NDUFAF6: variants seen among roughly 807,000 people sequenced by gnomAD.
The protein encoded by NDUFAF6 is NADH dehydrogenase (ubiquinone) complex I, assembly factor 6.
Under a neutral mutation model 40.8 loss-of-function variants are expected in NDUFAF6, and 45 were observed. The ratio of observed to expected loss-of-function variants is 1.10; its 90% CI spans 0.87 to 1.42. NDUFAF6 has a LOEUF of 1.42. Among genes scored for constraint, NDUFAF6 ranks in the 40% most tolerant of loss-of-function variants. The pLI is 0.00. For synonymous variants in NDUFAF6, 185 were observed against 155.9 expected (o/e 1.19, Z -1.39); for missense variants, 435 against 418.5 (o/e 1.04, Z -0.34).
chr8:94,921,658 A>G (rs558959180), intron 1 of NDUFAF6, among the ~76,000 whole-genome samples: 2 of 152,228 alleles, frequency 1.3e-5, no homozygotes, highest in Non-Finnish European at 2.9e-5. Context: ...TTCAAGATCC[A>G]TAACACAGTG....
chr8:95,002,996 C>T (rs1826804061), intron 2 of NDUFAF6, among the ~76,000 whole-genome samples: 1 of 152,218 alleles, frequency 6.6e-6, no homozygotes, highest in African/African-American at 2.4e-5. Flanking sequence ...TACATCATCT[C>T]AGCTGTTAGA....
intron 1 of NDUFAF6, chr8:94,930,299 G>A (rs1459266460): frequency 1.3e-6 from 1 of 760,366 alleles, no homozygotes; most frequent in African/African-American, 1.8e-5. Context: ...TTAAAGGCAA[G>A]GCATTATGTG....
intron 2 of NDUFAF6, among the ~76,000 whole-genome samples, chr8:95,008,671 T>C (rs543239595): frequency 5.9e-5 from 9 of 152,012 alleles, no homozygotes; most frequent in Non-Finnish European, 1.3e-4. Context: ...TACGCCCGGG[T>C]AATTTCTTTG....
downstream of NDUFAF6, among the ~76,000 whole-genome samples, chr8:95,077,100 T>TA (rs1363085258): frequency 1.3e-5 from 2 of 152,168 alleles, no homozygotes; most frequent in Non-Finnish European, 2.9e-5. Flanking sequence ...TGGCCATCTA[T>TA]AAGCCAAGGA....
At chr8:94,985,516 T>TATATATATATATATATA (rs1586904614) in intron 2 of NDUFAF6, among the ~76,000 whole-genome samples, 1 of 4,710 alleles carries the variant, frequency 2.1e-4, no homozygotes, top group African/African-American at 1.2e-3. Context: ...TATATATATA[T>TATATATATATATATATA]TTTTTTTTTT....
At chr8:95,050,166 C>T (rs1441017495) in intron 7 of NDUFAF6, among the ~76,000 whole-genome samples, 1 of 152,194 alleles carries the variant, frequency 6.6e-6, no homozygotes, top group Non-Finnish European at 1.5e-5. Context: ...CCTGAGCAGT[C>T]CCAGTCAATG....
Position 95,005,779 on chromosome 8 carries a change from G to C in NDUFAF6, c.-84+24806G>C, listed in dbSNP as rs141150603. Among the ~76,000 whole-genome samples the C allele has an allele frequency of 3.5e-3, 523 of 151,118 alleles. 5 individuals carry two copies. The highest frequency in any genetic ancestry group is 0.012 in the African/African-American group (500 of 41,092). The stretch of plus-strand genomic sequence containing the variant: ...TAAATGCCTTTAATTAGACCAATTC[G>C]TATTGGTCTCAAAGATAGAATGTCT... On this transcript the variant is annotated intron_variant, in intron 2 of 9. Coordinates refer to the NDUFAF6 transcript ENST00000396111.
intron 2 of NDUFAF6, among the ~76,000 whole-genome samples, chr8:94,992,740 A>G (rs1826250673): frequency 6.6e-6 from 1 of 152,188 alleles, no homozygotes; most frequent in Admixed American, 6.5e-5. Flanking sequence ...TTTGGTGTTC[A>G]TGACGCAAAC....
chr8:95,010,740 C>G (rs1827193009), intron 2 of NDUFAF6, among the ~76,000 whole-genome samples: 1 of 152,074 alleles, frequency 6.6e-6, no homozygotes, highest in African/African-American at 2.4e-5. Context: ...AAAAAAAAAT[C>G]CTACTAGTGT....
intron 2 of NDUFAF6, among the ~76,000 whole-genome samples, chr8:95,094,118 G>GCC (rs1809359211): frequency 6.6e-6 from 1 of 151,908 alleles, no homozygotes; most frequent in African/African-American, 2.4e-5. Context: ...TTACAGGCAT[G>GCC]CACCACCACG....
intron 1 of NDUFAF6, chr8:94,940,054 C>T (rs1285066537): frequency 6.2e-7 from 1 of 1,614,222 alleles, no homozygotes; most frequent in Admixed American, 1.7e-5. Flanking sequence ...ACCAGCTCTC[C>T]TCCATTGGAC....
chr8:94,952,906 G>C (rs1014899900), intron 2 of NDUFAF6, among the ~76,000 whole-genome samples: 1 of 152,312 alleles, frequency 6.6e-6, no homozygotes, highest in African/African-American at 2.4e-5. Flanking sequence ...GTGCTAGGGG[G>C]GAGTCCCCAA....
At chr8:94,908,989 A>G (rs943290865) in intron 1 of NDUFAF6, among the ~76,000 whole-genome samples, 3 of 152,170 alleles carry the variant, frequency 2.0e-5, no homozygotes, top group African/African-American at 7.2e-5. Context: ...CATTTTTCAA[A>G]AGAGGAAAAT....
intron 8 of NDUFAF6, among the ~76,000 whole-genome samples, chr8:95,052,647 G>C (rs1014411085): frequency 6.6e-6 from 1 of 152,062 alleles, no homozygotes; most frequent in African/African-American, 2.4e-5. Context: ...TGACCTGACC[G>C]TATTGTAGCA....
At chr8:95,039,218 G>C (rs926199094) in intron 3 of NDUFAF6, among the ~76,000 whole-genome samples, 25 of 151,192 alleles carry the variant, frequency 1.7e-4, no homozygotes, top group Non-Finnish European at 2.8e-4. Flanking sequence ...ACTTTGGGAG[G>C]CCGAGGCGGG....
intron 1 of NDUFAF6, chr8:94,940,827 T>C: frequency 6.2e-7 from 1 of 1,606,776 alleles, no homozygotes; most frequent in Non-Finnish European, 8.5e-7. Context: ...AAGTGTACCT[T>C]ACCTATGAAG....
rs571186599 is a variant in NDUFAF6 at position 95,029,367 on chromosome 8, C to T, written c.198-2628C>T. 1.4e-3 allele frequency among the ~76,000 whole-genome samples: 20 copies of T among 14,776 alleles called. 1 individual carries two copies. The East Asian group carries it at 0.36, about 269-fold the overall frequency. The allele number at this position is 14,776 out of a possible 152,430, so 9.7% of individuals were successfully genotyped here. A position where few individuals can be genotyped will look rare whatever the true frequency, so the allele number is the denominator to read the frequency against. On this transcript the variant is annotated intron_variant, in intron 1 of 8. Coordinates refer to ENST00000396124, the MANE Select transcript of NDUFAF6 (RefSeq NM_152416.4). ...GAGCCAATATACTCTTTAGCAGATT[C>T]CCTCATTTTTTAACACTCTGAAACA...
At position 95,014,684 on chromosome 8, in the gene NDUFAF6, A is replaced by G. The variant is rs534869203; in HGVS notation, c.-83-17311A>G. Among the ~76,000 whole-genome samples, 4 of 152,350 alleles carry G rather than the reference A, an allele frequency of 2.6e-5. No homozygotes were observed. The East Asian group carries it at 7.7e-4, about 29-fold the overall frequency. ...AAAAGATCCAACTCAAACTCTCCTA[A>G]GCAAGGGAAATAATTTACTAGCTCA... On this transcript the variant is annotated intron_variant, in intron 2 of 9. Coordinates refer to the NDUFAF6 transcript ENST00000396111.
chr8:95,005,406 T>C (rs1297280134), intron 2 of NDUFAF6, among the ~76,000 whole-genome samples: 1 of 151,774 alleles, frequency 6.6e-6, no homozygotes, highest in Non-Finnish European at 1.5e-5. Flanking sequence ...GATTTTTTAA[T>C]CTTCCTTCAA....
Sources: allele counts gnomAD v4.1 joint callset (sites outside exome capture counted in the v4.1 genomes callset), GRCh38; gene constraint gnomAD v4.1.1; transcripts MANE v1.5; gene names NCBI Gene and HGNC (gene_info 2026-07-23, HGNC 2026-07-21).